Variants in KIF24 observed in about 807,000 individuals in gnomAD.
KIF24 encodes the protein kinesin family member 24, also known as kinesin-like protein KIF24.
Under a neutral mutation model 118.9 loss-of-function variants are expected in KIF24, and 81 were observed. The observed-to-expected ratio is 0.68, with a 90% confidence interval of 0.57 to 0.82. KIF24 has a LOEUF of 0.82. Ranked by LOEUF, KIF24 falls within the 40% of genes least tolerant of loss-of-function variation. The pLI, the probability that KIF24 is intolerant of heterozygous loss-of-function variation, is 0.00. For missense variants in KIF24, 1,560 were observed against 1,661.6 expected (o/e 0.94, Z 1.06); for synonymous variants, 599 against 610.0 (o/e 0.98, Z 0.27).
In KIF24 at chr9:34,310,680, T is replaced by A. The variant is rs775662507; in HGVS notation, c.623+44A>T. 6.7e-6 allele frequency: 10 copies of A among 1,496,248 alleles called. No homozygotes were observed. The Admixed American group carries it at 1.9e-4, about 28-fold the overall frequency. 92.7% of individuals were successfully genotyped at this position (1,496,248 alleles called of 1,614,324 possible). On this transcript the variant is annotated intron_variant, in intron 2 of 12. Transcript: ENST00000402558. Reference sequence around the variant, plus strand: ...CATGAAGGAGAGGCCTGCCCTTGCCTGAGGCTACTTTCCCTCAAAAGAAAG... The same window carrying A: ...CATGAAGGAGAGGCCTGCCCTTGCCAGAGGCTACTTTCCCTCAAAAGAAAG...
intron 1 of KIF24, among the ~76,000 whole-genome samples, chr9:34,316,018 GA>G (rs1837315303): frequency 2.7e-5 from 4 of 149,818 alleles, no homozygotes; most frequent in South Asian, 4.2e-4. Context: ...GACAGAGCAA[GA>G]CTCTGTCACC....
intron 3 of KIF24, among the ~76,000 whole-genome samples, chr9:34,300,622 C>A (rs1259995485): frequency 1.3e-5 from 2 of 152,004 alleles, no homozygotes; most frequent in Admixed American, 6.6e-5. Context: ...CCTGCCTCGG[C>A]CTACCAAAGT....
Position 34,306,276 on chromosome 9 carries a change from A to T in KIF24, c.789T>A (p.Val263=), listed in dbSNP as rs1315748426. The stretch of plus-strand genomic sequence containing the variant: ...CCTGCAGAATATATTGAGTGAGGTC[A>T]ACTGCTTCTTTCTTCTCATGCACAA... ...TLLVHEKKEA[V]DLTQYILQHV... Residue 263 remains valine, a synonymous_variant, in exon 3 of 13, where the codon GTT becomes GTA. Transcript: ENST00000402558. 1.2e-6 allele frequency: 2 copies of T among 1,606,300 alleles called. No homozygotes were observed. Among genetic ancestry groups the T allele is most frequent in the Non-Finnish European group, 1.7e-6 (2 of 1,175,800 alleles).
intron 9 of KIF24, among the ~76,000 whole-genome samples, chr9:34,261,920 T>C (rs13284229): frequency 0.33 from 49,464 of 151,922 alleles, 9,806 homozygotes; most frequent in Non-Finnish European, 0.45. Context: ...GGCTTAGAGA[T>C]TTCACTAATT....
chr9:34,261,370 T>C (rs766650954), intron 9 of KIF24, among the ~76,000 whole-genome samples: 29 of 152,322 alleles, frequency 1.9e-4, no homozygotes, highest in South Asian at 2.1e-4. Context: ...CCGCAGCCAT[T>C]ATGAATGCTG....
chr9:34,266,746 T>C (rs1328115484), intron 8 of KIF24, among the ~76,000 whole-genome samples: 1 of 150,430 alleles, frequency 6.6e-6, no homozygotes, highest in Non-Finnish European at 1.5e-5. Context: ...AAATGGCTGA[T>C]TCGAGGTCTG....
rs138172382 is a variant in KIF24 at position 34,295,365 on chromosome 9, G to C, written c.911+1652C>G. Among the ~76,000 whole-genome samples the C allele has an allele frequency of 9.6e-3, 1,464 of 151,990 alleles. 29 individuals carry two copies. Among genetic ancestry groups the C allele is most frequent in the African/African-American group, 0.033 (1,385 of 41,464 alleles). On this transcript the variant is annotated intron_variant, in intron 4 of 12. Coordinates refer to ENST00000402558, the MANE Select transcript of KIF24 (RefSeq NM_194313.4). ...TGGGACCACAGGTGCACATCACCATGCCTGGCTAATTAAAAAAAAAAATTT... is the reference window on the plus strand; with the variant it reads ...TGGGACCACAGGTGCACATCACCATCCCTGGCTAATTAAAAAAAAAAATTT...
chr9:34,328,157 A>C (rs1837738248), intron 1 of KIF24, among the ~76,000 whole-genome samples: 1 of 152,234 alleles, frequency 6.6e-6, no homozygotes, highest in African/African-American at 2.4e-5. Flanking sequence ...CAATTCTATC[A>C]TAGACACCTG....
chr9:34,296,431 G>T (rs1366883497), intron 4 of KIF24, among the ~76,000 whole-genome samples: 2 of 151,332 alleles, frequency 1.3e-5, no homozygotes, highest in African/African-American at 4.9e-5. Context: ...GGAGGCTGAG[G>T]CAGGCTGAGG....
At chr9:34,307,861 A>G (rs1046945469) in intron 2 of KIF24, among the ~76,000 whole-genome samples, 3 of 17,446 alleles carry the variant, frequency 1.7e-4, no homozygotes, top group African/African-American at 2.6e-4. Flanking sequence ...ACTCTGTCTG[A>G]AAAAAAAAAA....
intron 6 of KIF24, among the ~76,000 whole-genome samples, chr9:34,284,152 C>T (rs989001416): frequency 3.3e-5 from 5 of 151,758 alleles, no homozygotes; most frequent in Non-Finnish European, 4.4e-5. Context: ...CTTGTGGTCC[C>T]AGCTACTTGG....
chr9:34,256,507 G>A lies in KIF24; in HGVS notation c.3100C>T (p.Pro1034Ser). Residue 1034 changes from proline to serine, a missense_variant, in exon 11 of 13, where the codon CCT becomes TCT. Coordinates refer to ENST00000402558, the MANE Select transcript of KIF24 (RefSeq NM_194313.4). ...GCATGCGTGCCTAACTGCCCCCTAGGATCCTCTCCTGGGACAGCATGACCG... is the reference window on the plus strand; with the variant it reads ...GCATGCGTGCCTAACTGCCCCCTAGAATCCTCTCCTGGGACAGCATGACCG... ...KNGHAVPGED[P>S]RGQLGTHAEY... 2 of 1,613,826 alleles carry A rather than the reference G, an allele frequency of 1.2e-6. No homozygotes were observed. The highest frequency in any genetic ancestry group is 1.6e-4 in the Middle Eastern group (1 of 6,062).
chr9:34,275,712 C>T lies in KIF24; in HGVS notation c.1216-3782G>A, dbSNP rs148781118. 1.8e-4 allele frequency among the ~76,000 whole-genome samples: 28 copies of T among 151,858 alleles called. No individual in the cohort carries two copies. In the East Asian group the frequency reaches 2.5e-3, roughly 14 times the overall value. ...AAAACTAGCTGGGCATGGTGATGCA[C>T]GCCTGTAGTCCCAGCTACTTGGGAG... On this transcript the variant is annotated intron_variant, in intron 6 of 12. Coordinates refer to ENST00000402558, the MANE Select transcript of KIF24 (RefSeq NM_194313.4).
Position 34,310,944 on chromosome 9 carries a change from T to G in KIF24, c.403A>C (p.Lys135Gln). The G allele has an allele frequency of 6.2e-7, 1 of 1,613,908 alleles. No homozygotes were observed. ...TCTGGTAGCATGTGTTCTAGCACTT[T>G]TAGGTAAGTGGACTTCTGTTCATTT... ...SANEQKSTYL[K>Q]VLEHMLPDDS... The change falls in exon 2 of 13, where the codon AAA becomes CAA. Residue 135 changes from lysine (K) to glutamine (Q), a missense_variant. Lys to Gln is a moderately conservative substitution (Grantham distance 53). Around this residue, in one of 3 missense-constraint regions of KIF24, gnomAD observed 964 missense variants for 988.0 expected, o/e 0.98. Transcript: ENST00000402558.
In KIF24 at chr9:34,318,949, C is replaced by T. The variant is rs933229377; in HGVS notation, c.-25-7578G>A. 1.7e-5 allele frequency: 25 copies of T among 1,498,200 alleles called. 1 individual carries two copies. In the Middle Eastern group the frequency reaches 5.1e-4, roughly 30 times the overall value. The allele number at this position is 1,498,200 out of a possible 1,614,324, so 92.8% of individuals were successfully genotyped here. On this transcript the variant is annotated intron_variant, in intron 1 of 12. Transcript: ENST00000402558. This position sits in a 1 kb window ranked among gnomAD's most constrained non-coding sequence, Gnocchi z 4.9. ...ACGAGTGGGCCGTGCAGACCACCGA[C>T]GGCAAGCTGCCCAAGGTCACCAAGG...
chr9:34,319,607 T>C, intron 1 of KIF24: 1 of 914,422 alleles, frequency 1.1e-6, no homozygotes. Flanking sequence ...TGCTGTTCAC[T>C]GGGCACCTGG....
chr9:34,256,287 G>A lies in KIF24; in HGVS notation c.3320C>T (p.Ser1107Leu). 13 of 1,611,710 alleles carry A rather than the reference G, an allele frequency of 8.1e-6. No homozygotes were observed. The highest frequency in any genetic ancestry group is 1.1e-5 in the Non-Finnish European group (13 of 1,178,752). Reference sequence around the variant, plus strand: ...GGACAGCCACAGGTGCCTAGTTGCTGAAGACACTGGCAAGGCTGCCTCTTG... The same window carrying A: ...GGACAGCCACAGGTGCCTAGTTGCTAAAGACACTGGCAAGGCTGCCTCTTG... Reference protein sequence around the residue: ...GDQEAALPVSSATRHLWLSSS... With the variant: ...GDQEAALPVSLATRHLWLSSS... Residue 1107 changes from serine (S) to leucine (L), a missense_variant, in exon 11 of 13, where the codon TCA becomes TTA. Ser to Leu is a moderately radical substitution (Grantham distance 145). Around this residue, in one of 3 missense-constraint regions of KIF24, gnomAD observed 591 missense variants for 655.6 expected, o/e 0.90. Transcript: ENST00000402558.
At position 34,254,361 on chromosome 9, in the gene KIF24, C is replaced by A. The variant is rs1449127311; in HGVS notation, c.*19G>T. ...CAGACTCCTGCAGGGCCCCCACCATCTCGGCACAGGGTCTGGCTCTAAGAC... is the reference window on the plus strand; with the variant it reads ...CAGACTCCTGCAGGGCCCCCACCATATCGGCACAGGGTCTGGCTCTAAGAC... On this transcript the variant is annotated 3_prime_UTR_variant, in exon 13 of 13. Transcript: ENST00000402558. The A allele has an allele frequency of 1.9e-6, 3 of 1,603,346 alleles. No individual in the cohort carries two copies. Among genetic ancestry groups the A allele is most frequent in the South Asian group, 2.2e-5 (2 of 89,956 alleles).
At chr9:34,332,589 C>T (rs1837974839), upstream of KIF24, among the ~76,000 whole-genome samples, 1 of 152,168 alleles carries the variant, frequency 6.6e-6, no homozygotes. Flanking sequence ...TAACAAATCC[C>T]CTTCACTAAG....
Sources: gnomAD v4.1 joint callset for allele counts (sites outside exome capture counted in the v4.1 genomes callset) on GRCh38, gnomAD v4.1.1 for gene constraint, gnomAD v4.1.1 regional missense constraint, Gnocchi (gnomAD v3.1) non-coding constraint, MANE v1.5 for transcripts, NCBI Gene and HGNC (gene_info 2026-07-23, HGNC 2026-07-21) for gene names.